Variants in IPO11 observed in about 807,000 individuals in gnomAD.
The protein encoded by IPO11 is importin-11.
IPO11 carries 66 observed loss-of-function variants against 143.2 expected under a neutral mutation model. That is an observed-to-expected ratio of 0.46 (90% confidence interval 0.38 to 0.57). The LOEUF (loss-of-function observed/expected upper bound fraction) is 0.57, where lower values mean the gene tolerates loss of function less well. Among genes scored for constraint, IPO11 ranks in the 20% least tolerant of loss-of-function variants. The pLI, the probability that IPO11 is intolerant of heterozygous loss-of-function variation, is 0.00. For synonymous variants in IPO11, 385 were observed against 377.8 expected, an observed-to-expected ratio of 1.02 and a Z score of -0.22; for missense variants, 1,026 against 1,141.0, an observed-to-expected ratio of 0.90 and a Z score of 1.45.
intron 20 of IPO11, among the ~76,000 whole-genome samples, chr5:62,522,356 C>T (rs972828628): frequency 6.6e-6 from 1 of 151,522 alleles, no homozygotes; most frequent in Non-Finnish European, 1.5e-5. Context: ...ACGATCTTGG[C>T]TCACTGCAAC....
intron 1 of IPO11, among the ~76,000 whole-genome samples, chr5:62,436,868 T>G (rs1744262174): frequency 6.6e-6 from 1 of 152,232 alleles, no homozygotes; most frequent in African/African-American, 2.4e-5. Context: ...AGTTAGGTGT[T>G]ACTTACTGTA....
rs1463337624 is a variant in IPO11 at position 62,425,312 on chromosome 5, A to G, written c.-6-11962A>G. Among the ~76,000 whole-genome samples, 3 of 152,054 alleles carry G rather than the reference A, an allele frequency of 2.0e-5. No individual in the cohort carries two copies. In the East Asian group the frequency reaches 5.8e-4, roughly 29 times the overall value. ...CATCAGGTGGCACTGCAGACTATTCAATTTATTTTATTTTATTTTTTCAAG... is the reference window on the plus strand; with the variant it reads ...CATCAGGTGGCACTGCAGACTATTCGATTTATTTTATTTTATTTTTTCAAG... On this transcript the variant is annotated intron_variant, in intron 1 of 29. Transcript: ENST00000325324.
At position 62,591,685 on chromosome 5, in the gene IPO11, T is replaced by C. The variant is rs1317479167; in HGVS notation, c.2678+13T>C. 6.5e-7 allele frequency: 1 copy of C among 1,547,248 alleles called. No homozygotes were observed. The highest frequency in any genetic ancestry group is 8.8e-7 in the Non-Finnish European group (1 of 1,133,244). ...GAACTTATAAAGAGTAGGTGCATTA[T>C]TTAATTAATCATAATTGGACTTGGG... On this transcript the variant is annotated intron_variant, in intron 28 of 29. Transcript: ENST00000325324.
At chr5:62,616,457 G>C (rs1485607021) in intron 29 of IPO11, among the ~76,000 whole-genome samples, 4 of 152,096 alleles carry the variant, frequency 2.6e-5, no homozygotes, top group Non-Finnish European at 4.4e-5. Flanking sequence ...GAGATGGCCA[G>C]GTATGGTGGC....
At chr5:62,520,529 T>C (rs982738728) in intron 20 of IPO11, among the ~76,000 whole-genome samples, 2 of 152,164 alleles carry the variant, frequency 1.3e-5, no homozygotes, top group Middle Eastern at 3.2e-3. Flanking sequence ...CCCACTCCCC[T>C]GACCCCATGA....
intron 5 of IPO11, among the ~76,000 whole-genome samples, chr5:62,457,042 T>G (rs935646533): frequency 3.3e-5 from 5 of 152,102 alleles, no homozygotes; most frequent in Non-Finnish European, 7.4e-5. Context: ...ATCACGCCAC[T>G]GCACTGTAGC....
intron 2 of IPO11, among the ~76,000 whole-genome samples, chr5:62,440,838 C>T (rs1217681048): frequency 2.0e-5 from 3 of 151,838 alleles, no homozygotes; most frequent in Admixed American, 1.3e-4. Flanking sequence ...TGGTGCATGC[C>T]TGTAATCCCA....
intron 29 of IPO11, among the ~76,000 whole-genome samples, chr5:62,610,959 A>G (rs942875743): frequency 1.3e-5 from 2 of 152,168 alleles, no homozygotes; most frequent in Admixed American, 6.5e-5. Flanking sequence ...GGAAAGATGT[A>G]CTTGTTTTTA....
At chr5:62,523,343 A>G (rs1007835285) in intron 20 of IPO11, among the ~76,000 whole-genome samples, 4 of 152,194 alleles carry the variant, frequency 2.6e-5, no homozygotes, top group African/African-American at 7.2e-5. Flanking sequence ...ATTATTTGGT[A>G]TAGCAGGAAC....
chr5:62,548,445 C>T (rs773013079), intron 24 of IPO11, among the ~76,000 whole-genome samples: 34 of 151,920 alleles, frequency 2.2e-4, no homozygotes, highest in Admixed American at 5.3e-4. Context: ...AATGAGGTGC[C>T]GTAATGTAAG....
At chr5:62,464,361 G>A (rs755059424) in intron 5 of IPO11, among the ~76,000 whole-genome samples, 21 of 151,568 alleles carry the variant, frequency 1.4e-4, no homozygotes, top group South Asian at 4.2e-4. Context: ...GGATGGTCTC[G>A]ATCTTTTGAC....
chr5:62,621,472 C>T (rs1282807783), intron 29 of IPO11, among the ~76,000 whole-genome samples: 1 of 152,192 alleles, frequency 6.6e-6, no homozygotes, highest in Non-Finnish European at 1.5e-5. Context: ...TTTCCCAAGG[C>T]TCCACCCTGT....
At chr5:62,435,742 A>T (rs1322840613) in intron 1 of IPO11, among the ~76,000 whole-genome samples, 1 of 151,542 alleles carries the variant, frequency 6.6e-6, no homozygotes, top group African/African-American at 2.4e-5. Context: ...AAAAAATCTC[A>T]ATCTGGCCGG....
At chr5:62,502,485 CTT>C (rs1741378748) in intron 16 of IPO11, among the ~76,000 whole-genome samples, 1 of 152,156 alleles carries the variant, frequency 6.6e-6, no homozygotes, top group Non-Finnish European at 1.5e-5. Flanking sequence ...TTAAAATGCT[CTT>C]TAACTTTCCT....
At chr5:62,539,339 T>G (rs767418856) in intron 24 of IPO11, among the ~76,000 whole-genome samples, 21 of 152,230 alleles carry the variant, frequency 1.4e-4, no homozygotes, top group Non-Finnish European at 2.6e-4. Context: ...GCTTCCGCTG[T>G]CACATGATGT....
chr5:62,444,281 C>A (rs753647434), intron 3 of IPO11, among the ~76,000 whole-genome samples: 64 of 151,684 alleles, frequency 4.2e-4, no homozygotes, highest in Non-Finnish European at 8.3e-4. Context: ...TTTAGTAGAG[C>A]CAGGGTTTCA....
chr5:62,483,089 AT>A lies in IPO11; in HGVS notation c.829-7del, dbSNP rs759164450. ...AATACATTTTAATTTTTATTTATTT[AT>A]TTTTCTACAGCTTTTGGACTTCTTG... On this transcript the variant is annotated splice_polypyrimidine_tract_variant and intron_variant, in intron 9 of 29. Transcript: ENST00000325324. The A allele has an allele frequency of 1.3e-6, 2 of 1,494,022 alleles. No homozygotes were observed. The highest frequency in any genetic ancestry group is 1.8e-6 in the Non-Finnish European group (2 of 1,091,930). 92.5% of individuals were successfully genotyped at this position (1,494,022 alleles called of 1,614,324 possible).
At chr5:62,602,883 T>C (rs1561383028) in intron 29 of IPO11, among the ~76,000 whole-genome samples, 1 of 152,228 alleles carries the variant, frequency 6.6e-6, no homozygotes. Flanking sequence ...CTTGTCTTTG[T>C]AGATCCGTTT....
chr5:62,583,488 A>G (rs1202476934), intron 27 of IPO11, among the ~76,000 whole-genome samples: 1 of 152,216 alleles, frequency 6.6e-6, no homozygotes, highest in Non-Finnish European at 1.5e-5. Flanking sequence ...TAATTGATTT[A>G]GACTCAACTA....
Sources: allele counts gnomAD v4.1 joint callset (sites outside exome capture counted in the v4.1 genomes callset), GRCh38; gene constraint gnomAD v4.1.1; transcripts MANE v1.5; gene names NCBI Gene and HGNC (gene_info 2026-07-23, HGNC 2026-07-21).